Variants in FZR1 observed in about 807,000 individuals in gnomAD.
FZR1 encodes the protein fizzy and cell division cycle 20 related 1.
In FZR1, 11 loss-of-function variants were observed where a neutral mutation model predicts 63.6. That is an observed-to-expected ratio of 0.17 (90% CI 0.11 to 0.29). The LOEUF (loss-of-function observed/expected upper bound fraction) is 0.29, where lower values mean the gene tolerates loss of function less well. Ranked by LOEUF, FZR1 falls within the 10% of genes least tolerant of loss-of-function variation. The probability of loss-of-function intolerance (pLI) is 1.00; values close to 1 mark genes in which losing one functional copy is unlikely to be tolerated. For missense variants in FZR1, 440 were observed against 687.5 expected (o/e 0.64, Z 4.03); for synonymous variants, 328 against 297.9 (o/e 1.10, Z -1.04).
rs759931766 is a variant in FZR1 at position 3,533,892 on chromosome 19, C to T, written c.1347+494C>T. 2 of 161,204 alleles carry T rather than the reference C, an allele frequency of 1.2e-5. No homozygotes were observed. Among genetic ancestry groups the T allele is most frequent in the South Asian group, 1.8e-4 (1 of 5,460 alleles). 10.0% of individuals were successfully genotyped at this position (161,204 alleles called of 1,614,324 possible). On this transcript the variant is annotated intron_variant, in intron 12 of 13. Coordinates refer to ENST00000441788, the MANE Select transcript of FZR1 (RefSeq NM_016263.4). This position sits in a 1 kb window ranked among gnomAD's most constrained non-coding sequence, Gnocchi z 4.9. ...TCATCTGTGCAGAGTTGATGAGCCC[C>T]TCTTGCAAGGGGGCGTCCTTTGTGT...
Position 3,533,744 on chromosome 19 carries a change from G to A in FZR1, c.1347+346G>A, listed in dbSNP as rs2083270219. 3 of 249,864 alleles carry A rather than the reference G, an allele frequency of 1.2e-5. No homozygotes were observed. The East Asian group carries it at 2.9e-4, about 24-fold the overall frequency. The allele number at this position is 249,864 out of a possible 1,614,324, so 15.5% of individuals were successfully genotyped here. ...CCTGTGAACGTCCTACACAGTAACT[G>A]TATGCACGTGGCTGGATGGGGGCCA... On this transcript the variant is annotated intron_variant, in intron 12 of 13. Coordinates refer to ENST00000441788, the MANE Select transcript of FZR1 (RefSeq NM_016263.4). The surrounding 1 kb of genome is among the most constrained non-coding windows in gnomAD (Gnocchi z 4.9).
At chr19:3,532,161 G>T in intron 10 of FZR1, 66 bp downstream of exon 10, 1 of 1,399,818 alleles carries the variant, frequency 7.1e-7, no homozygotes, top group South Asian at 1.4e-5. Flanking sequence ...TGGCAGGAAC[G>T]GAAGAGCCTG....
At position 3,533,897 on chromosome 19, in the gene FZR1, G is replaced by T. The variant is rs753296058; in HGVS notation, c.1347+499G>T. Reference sequence around the variant, plus strand: ...TGTGCAGAGTTGATGAGCCCCTCTTGCAAGGGGGCGTCCTTTGTGTTTTTG... The same window carrying T: ...TGTGCAGAGTTGATGAGCCCCTCTTTCAAGGGGGCGTCCTTTGTGTTTTTG... On this transcript the variant is annotated intron_variant, in intron 12 of 13. Transcript: ENST00000441788. The surrounding 1 kb of genome is among the most constrained non-coding windows in gnomAD (Gnocchi z 4.9). The T allele has an allele frequency of 1.2e-4, 20 of 160,966 alleles. No homozygotes were observed. The highest frequency in any genetic ancestry group is 2.6e-4 in the Non-Finnish European group (19 of 74,098). The allele number at this position is 160,966 out of a possible 1,614,324, so 10.0% of individuals were successfully genotyped here.
chr19:3,514,035 C>T lies in FZR1; in HGVS notation c.-35+7561C>T, dbSNP rs1299916405. ...CAGGAGTAGGAGCTTGGCTGAGCCTCCAGGAACCAGAGTGCTGTGTTCCTG... is the reference window on the plus strand; with the variant it reads ...CAGGAGTAGGAGCTTGGCTGAGCCTTCAGGAACCAGAGTGCTGTGTTCCTG... On this transcript the variant is annotated intron_variant, in intron 1 of 13. Transcript: ENST00000441788. This position sits in a 1 kb window ranked among gnomAD's most constrained non-coding sequence, Gnocchi z 4.2. 6.6e-6 allele frequency among the ~76,000 whole-genome samples: 1 copy of T among 152,160 alleles called. No individual in the cohort carries two copies. The highest frequency in any genetic ancestry group is 1.5e-5 in the Non-Finnish European group (1 of 68,024).
Position 3,516,826 on chromosome 19 carries a change from G to A in FZR1, c.-34-6130G>A, listed in dbSNP as rs768682285. ...CTGCTGCCCACCTGGCAACGTTTGG[G>A]CCATTGGCTCACGGCGTCTCTGTTG... On this transcript the variant is annotated intron_variant, in intron 1 of 13. Transcript: ENST00000441788. This position sits in a 1 kb window ranked among gnomAD's most constrained non-coding sequence, Gnocchi z 6.0. Among the ~76,000 whole-genome samples, 6 of 152,236 alleles carry A rather than the reference G, an allele frequency of 3.9e-5. No homozygotes were observed. The highest frequency in any genetic ancestry group is 1.4e-4 in the African/African-American group (6 of 41,464).
intron 1 of FZR1, among the ~76,000 whole-genome samples, chr19:3,520,879 A>G (rs768256849): frequency 1.3e-5 from 2 of 152,222 alleles, no homozygotes; most frequent in Admixed American, 1.3e-4. Flanking sequence ...AAGCCAGTGC[A>G]TGCCTCAGGT....
At chr19:3,530,938 G>A (rs1269494996) in intron 8 of FZR1, 81 bp downstream of exon 8, 4 of 1,097,278 alleles carry the variant, frequency 3.6e-6, no homozygotes, top group Admixed American at 2.1e-5. Context: ...GACCCAGAGG[G>A]TCTAGTGCGT....
chr19:3,528,216 C>T (rs1272402391), intron 7 of FZR1, among the ~76,000 whole-genome samples: 6 of 152,260 alleles, frequency 3.9e-5, no homozygotes, highest in Admixed American at 3.3e-4. Flanking sequence ...GGCCGCTGTC[C>T]TGGAGTGGCC....
rs11460907 is a variant in FZR1 at position 3,535,270 on chromosome 19, A to AC, written c.*438dup. 0.58 allele frequency: 96,046 copies of AC among 166,964 alleles called. 30,275 individuals carry two copies. The highest frequency in any genetic ancestry group is 0.84 in the East Asian group (4,621 of 5,508). 10.3% of individuals were successfully genotyped at this position (166,964 alleles called of 1,614,324 possible). ...CAGGGCTGATTGGTGGGGGCCTGAG[A>AC]CCCCGGTTGCCCATTCATGGCTGCA... is the stretch of plus-strand genomic sequence containing the variant. On this transcript the variant is annotated 3_prime_UTR_variant, in exon 14 of 14. Coordinates refer to ENST00000441788, the MANE Select transcript of FZR1 (RefSeq NM_016263.4).
At chr19:3,530,212 G>A (rs1444146916) in intron 7 of FZR1, among the ~76,000 whole-genome samples, 8 of 137,640 alleles carry the variant, frequency 5.8e-5, no homozygotes, top group African/African-American at 2.2e-4. Flanking sequence ...GAGAGCAGAT[G>A]GGAGAGTGGA....
At chr19:3,519,593 C>A (rs1192875919) in intron 1 of FZR1, among the ~76,000 whole-genome samples, 2 of 152,160 alleles carry the variant, frequency 1.3e-5, no homozygotes, top group African/African-American at 4.8e-5. Flanking sequence ...CCAAGGGGTA[C>A]AAGCTACTGT....
At position 3,535,193 on chromosome 19, in the gene FZR1, G is replaced by A. The variant is rs1004645202; in HGVS notation, c.*357G>A. The A allele has an allele frequency of 4.6e-5, 16 of 347,796 alleles. No homozygotes were observed. Among genetic ancestry groups the A allele is most frequent in the Middle Eastern group, 9.1e-4 (1 of 1,094 alleles). The allele number at this position is 347,796 out of a possible 1,614,324, so 21.5% of individuals were successfully genotyped here. A position where few individuals can be genotyped will look rare whatever the true frequency, so the allele number is the denominator to read the frequency against. Reference sequence around the variant, plus strand: ...TGTTCATCACCTGCCCACCGGAGCCGCATGCTCTTCCTGGAACTGCCCACG... The same window carrying A: ...TGTTCATCACCTGCCCACCGGAGCCACATGCTCTTCCTGGAACTGCCCACG... On this transcript the variant is annotated 3_prime_UTR_variant, in exon 14 of 14. Coordinates refer to ENST00000441788, the MANE Select transcript of FZR1 (RefSeq NM_016263.4).
At position 3,537,710 on chromosome 19, in the gene FZR1, G is replaced by A. The variant is rs2030034377; in HGVS notation, c.*2874G>A. The A allele has an allele frequency of 6.5e-6, 1 of 152,746 alleles. No homozygotes were observed. Among genetic ancestry groups the A allele is most frequent in the Admixed American group, 6.5e-5 (1 of 15,292 alleles). 9.5% of individuals were successfully genotyped at this position (152,746 alleles called of 1,614,324 possible). A position where few individuals can be genotyped will look rare whatever the true frequency, so the allele number is the denominator to read the frequency against. On this transcript the variant is annotated 3_prime_UTR_variant, in exon 14 of 14. Transcript: ENST00000441788. Reference sequence around the variant, plus strand: ...GTTTTGAGGCTCGCTCTTGCGCGGTGCCTGAGAAGAGGGTGAAGGAGCTGG... The same window carrying A: ...GTTTTGAGGCTCGCTCTTGCGCGGTACCTGAGAAGAGGGTGAAGGAGCTGG...
At chr19:3,534,740 A>G in intron 13 of FZR1, 55 bp from the exon 14 acceptor site, 3 of 1,543,258 alleles carry the variant, frequency 1.9e-6, no homozygotes, top group Non-Finnish European at 2.7e-6. Flanking sequence ...CCCTCCAGGC[A>G]GCTTCCTCCC....
chr19:3,523,227 C>A (rs1402977737), intron 2 of FZR1, among the ~76,000 whole-genome samples, 169 bp downstream of exon 2: 1 of 152,204 alleles, frequency 6.6e-6, no homozygotes, highest in African/African-American at 2.4e-5. Context: ...AGGGTTGCCG[C>A]CACCCCCAGG....
At chr19:3,508,204 T>TTC (rs1045344866) in intron 1 of FZR1, among the ~76,000 whole-genome samples, 11 of 142,670 alleles carry the variant, frequency 7.7e-5, no homozygotes, top group African/African-American at 2.9e-4. Flanking sequence ...GATTTTCTTT[T>TTC]TTTTTTTTTT....
Position 3,523,038 on chromosome 19 carries a change from A to G in FZR1, c.49A>G (p.Asn17Asp). 1 of 1,609,308 alleles carries G rather than the reference A, an allele frequency of 6.2e-7. No homozygotes were observed. Among genetic ancestry groups the G allele is most frequent in the Non-Finnish European group, 8.5e-7 (1 of 1,176,842 alleles). The part of the protein sequence containing the change: ...RRLLRQIVIQ[N>D]ENTMPRVTEM... ...CCTGCTTCGCCAGATCGTCATCCAG[A>G]ATGAGAACACGATGCCACGCGTGAG... is the stretch of plus-strand genomic sequence containing the variant. Residue 17 changes from asparagine (N) to aspartate (D), a missense_variant, in exon 2 of 14, where the codon AAT (asparagine) becomes GAT (aspartate). Around this residue, in one of 5 missense-constraint regions of FZR1, gnomAD observed 200 missense variants for 245.1 expected, o/e 0.82. Transcript: ENST00000441788.
At position 3,527,634 on chromosome 19, in the gene FZR1, G is replaced by C; in HGVS notation, c.474G>C (p.Gln158His). 6.2e-7 allele frequency: 1 copy of C among 1,605,408 alleles called. No individual in the cohort carries two copies. The highest frequency in any genetic ancestry group is 2.2e-5 in the East Asian group (1 of 44,788). Residue 158 changes from glutamine (Q) to histidine (H), a missense_variant, in exon 7 of 14, where the codon CAG becomes CAC. Gln to His is a conservative substitution (Grantham distance 24). Transcript: ENST00000441788. ...YSLSPVSNKS[Q>H]KLLRSPRKPT... ...TGCCACGTGGCCGCCTCTGCAGCCAGAAGCTGCTCCGGTCCCCCCGGAAAC... is the reference window on the plus strand; with the variant it reads ...TGCCACGTGGCCGCCTCTGCAGCCACAAGCTGCTCCGGTCCCCCCGGAAAC...
chr19:3,524,466 C>T (rs906390840), intron 2 of FZR1, among the ~76,000 whole-genome samples: 39 of 152,216 alleles, frequency 2.6e-4, no homozygotes, highest in African/African-American at 8.2e-4. Flanking sequence ...CCAGACGGAG[C>T]GCCAGGCTGT....
Sources: allele counts gnomAD v4.1 joint callset (sites outside exome capture counted in the v4.1 genomes callset), GRCh38; gene constraint gnomAD v4.1.1; regional missense constraint gnomAD v4.1.1; non-coding constraint Gnocchi (gnomAD v3.1); transcripts MANE v1.5; gene names NCBI Gene and HGNC (gene_info 2026-07-23, HGNC 2026-07-21).